Variants in CAMK4 observed in about 807,000 individuals in gnomAD.
The protein encoded by CAMK4 is calcium/calmodulin dependent protein kinase IV.
A neutral mutation model predicts 44.9 loss-of-function variants in CAMK4; 22 were observed. The observed-to-expected ratio is 0.49, with a 90% CI of 0.35 to 0.70. The LOEUF is 0.70. Among genes scored for constraint, CAMK4 ranks in the 30% least tolerant of loss-of-function variants. CAMK4 has a pLI of 0.01. For missense variants in CAMK4, 498 were observed against 586.8 expected (o/e 0.85, Z 1.56); for synonymous variants, 218 against 215.4 (o/e 1.01, Z -0.11).
At position 111,297,029 on chromosome 5, in the gene CAMK4, T is replaced by C. The variant is rs991558839; in HGVS notation, c.162-46995T>C. On this transcript the variant is annotated intron_variant, in intron 1 of 10. Coordinates refer to ENST00000282356, the MANE Select transcript of CAMK4 (RefSeq NM_001744.6). ...ATAATTATTTAGAATTGGCCCCAAA[T>C]CCTTACATTCAGTTGCTTTGAATGG... Among the ~76,000 whole-genome samples, 5 of 152,312 alleles carry C rather than the reference T, an allele frequency of 3.3e-5. No individual in the cohort carries two copies. The East Asian group carries it at 7.7e-4, about 24-fold the overall frequency.
intron 1 of CAMK4, among the ~76,000 whole-genome samples, chr5:111,293,443 T>C (rs1167123682): frequency 6.6e-6 from 1 of 152,128 alleles, no homozygotes; most frequent in Non-Finnish European, 1.5e-5. Flanking sequence ...CTTTTTTTTT[T>C]TGAGATGGAG....
At chr5:111,328,486 C>T (rs1441197401) in intron 1 of CAMK4, among the ~76,000 whole-genome samples, 3 of 152,022 alleles carry the variant, frequency 2.0e-5, no homozygotes, top group African/African-American at 7.2e-5. Context: ...AGTGACTTGG[C>T]GATGCGGGCT....
intron 5 of CAMK4, among the ~76,000 whole-genome samples, chr5:111,440,119 T>C (rs762622425): frequency 3.9e-5 from 6 of 152,168 alleles, no homozygotes; most frequent in Non-Finnish European, 8.8e-5. Context: ...TTCTTATTTC[T>C]CTTTGAGGAC....
At chr5:111,468,426 G>C (rs992417044) in intron 7 of CAMK4, among the ~76,000 whole-genome samples, 1 of 152,200 alleles carries the variant, frequency 6.6e-6, no homozygotes, top group Non-Finnish European at 1.5e-5. Context: ...GACAGCCAGA[G>C]TGCTTATACC....
chr5:111,228,947 C>T (rs1580451453), intron 1 of CAMK4, among the ~76,000 whole-genome samples: 2 of 152,196 alleles, frequency 1.3e-5, no homozygotes, highest in Non-Finnish European at 2.9e-5. Flanking sequence ...GTAATTTGAA[C>T]TGGCTAAGAG....
At chr5:111,344,366 T>G (rs1029049948) in intron 2 of CAMK4, among the ~76,000 whole-genome samples, 2 of 151,514 alleles carry the variant, frequency 1.3e-5, no homozygotes, top group Admixed American at 6.6e-5. Flanking sequence ...GTAGACCTTA[T>G]TTTGCATATC....
intron 1 of CAMK4, among the ~76,000 whole-genome samples, chr5:111,254,774 T>G (rs1749668687): frequency 6.6e-6 from 1 of 152,200 alleles, no homozygotes; most frequent in African/African-American, 2.4e-5. Context: ...CACCTGCCTT[T>G]CTGTGAGTGA....
At chr5:111,352,664 G>GAGAGAGAGA (rs1750162886) in intron 2 of CAMK4, among the ~76,000 whole-genome samples, 1 of 68,080 alleles carries the variant, frequency 1.5e-5, no homozygotes, top group Non-Finnish European at 3.3e-5. Context: ...AGAGAGAGAG[G>GAGAGAGAGA]GAGAGGGAGG....
intron 1 of CAMK4, among the ~76,000 whole-genome samples, chr5:111,269,420 C>A (rs1750404150): frequency 6.6e-6 from 1 of 152,198 alleles, no homozygotes; most frequent in African/African-American, 2.4e-5. Context: ...GGGGAAAGGG[C>A]CTTCCTCCAT....
chr5:111,282,080 T>C (rs1167568118), intron 1 of CAMK4, among the ~76,000 whole-genome samples: 1 of 151,946 alleles, frequency 6.6e-6, no homozygotes, highest in Non-Finnish European at 1.5e-5. Context: ...AGAAATTTTC[T>C]GGAATTAGGG....
At chr5:111,226,419 C>T (rs961818571) in intron 1 of CAMK4, among the ~76,000 whole-genome samples, 1 of 152,186 alleles carries the variant, frequency 6.6e-6, no homozygotes, top group African/African-American at 2.4e-5. Flanking sequence ...ATCGGTTATA[C>T]AGAAGCTTCT....
At chr5:111,451,561 T>A (rs967394967) in intron 7 of CAMK4, among the ~76,000 whole-genome samples, 4 of 152,250 alleles carry the variant, frequency 2.6e-5, no homozygotes, top group Non-Finnish European at 5.9e-5. Flanking sequence ...GTGCTGGGAT[T>A]ACAGGCATGA....
intron 1 of CAMK4, among the ~76,000 whole-genome samples, chr5:111,342,424 G>T (rs965753750): frequency 1.3e-5 from 2 of 151,424 alleles, no homozygotes; most frequent in South Asian, 4.2e-4. Context: ...AGCTGTTCCT[G>T]CTTTCTTATG....
At chr5:111,410,554 G>C (rs777304995) in intron 5 of CAMK4, among the ~76,000 whole-genome samples, 3 of 152,122 alleles carry the variant, frequency 2.0e-5, no homozygotes, top group Non-Finnish European at 2.9e-5. Context: ...TGGAGGATGG[G>C]TTGGGACCAT....
chr5:111,238,594 C>T (rs1748846000), intron 1 of CAMK4, among the ~76,000 whole-genome samples: 1 of 151,088 alleles, frequency 6.6e-6, no homozygotes, highest in Non-Finnish European at 1.5e-5. Flanking sequence ...CACTTTGTTA[C>T]CAGCCAGAGC....
intron 5 of CAMK4, among the ~76,000 whole-genome samples, chr5:111,430,954 C>G (rs1032142114): frequency 5.3e-5 from 8 of 152,022 alleles, no homozygotes; most frequent in Admixed American, 5.2e-4. Flanking sequence ...AAAAAACACT[C>G]CTAAATTTTA....
intron 5 of CAMK4, among the ~76,000 whole-genome samples, chr5:111,397,257 T>C (rs182123481): frequency 6.6e-6 from 1 of 152,282 alleles, no homozygotes; most frequent in African/African-American, 2.4e-5. Context: ...CAATTTAGTC[T>C]TGTAAAATAG....
chr5:111,392,548 T>G (rs2090740782), intron 4 of CAMK4, among the ~76,000 whole-genome samples: 1 of 151,526 alleles, frequency 6.6e-6, no homozygotes, highest in African/African-American at 2.4e-5. Flanking sequence ...AAACTAATGT[T>G]AAAAACATGA....
chr5:111,324,659 G>A (rs1748799639), intron 1 of CAMK4, among the ~76,000 whole-genome samples: 1 of 151,898 alleles, frequency 6.6e-6, no homozygotes, highest in Admixed American at 6.6e-5. Flanking sequence ...AAAAAATAAA[G>A]AATATATATG....
Sources: gnomAD v4.1 joint callset for allele counts (sites outside exome capture counted in the v4.1 genomes callset) on GRCh38, gnomAD v4.1.1 for gene constraint, MANE v1.5 for transcripts, NCBI Gene and HGNC (gene_info 2026-07-23, HGNC 2026-07-21) for gene names.